The following SORCS2 variants were observed in gnomAD, a reference collection of about 807,000 sequenced individuals.
SORCS2 encodes the protein sortilin related VPS10 domain containing receptor 2, also known as VPS10 domain-containing receptor SorCS2.
SORCS2 carries 100 observed loss-of-function variants against 141.6 expected under a neutral mutation model. The observed-to-expected ratio is 0.71, with a 90% CI of 0.60 to 0.83. The LOEUF (loss-of-function observed/expected upper bound fraction) is 0.83, where lower values mean the gene tolerates loss of function less well. Ranked by LOEUF, SORCS2 falls within the 40% of genes least tolerant of loss-of-function variation. The pLI is 0.00. For synonymous variants in SORCS2, 789 were observed against 676.9 expected, an observed-to-expected ratio of 1.17 and a Z score of -2.57; for missense variants, 1,646 against 1,560.2, an observed-to-expected ratio of 1.05 and a Z score of -0.93.
intron 1 of SORCS2, among the ~76,000 whole-genome samples, chr4:7,246,845 C>T (rs553564102): frequency 1.5e-4 from 23 of 152,238 alleles, no homozygotes; most frequent in Admixed American, 4.6e-4. Flanking sequence ...CGCCGTGACT[C>T]GGCTGTGCCT....
intron 1 of SORCS2, among the ~76,000 whole-genome samples, chr4:7,377,075 G>C (rs922345473): frequency 6.6e-6 from 1 of 152,220 alleles, no homozygotes; most frequent in African/African-American, 2.4e-5. Flanking sequence ...TTCTGTATGC[G>C]TGTGGAAGTA....
intron 2 of SORCS2, among the ~76,000 whole-genome samples, chr4:7,511,437 G>A (rs200903910): frequency 0.35 from 36,985 of 106,874 alleles, 6,321 homozygotes; most frequent in East Asian, 0.79. Flanking sequence ...CGGGGTTGGG[G>A]AGACACACAC....
chr4:7,354,594 C>T (rs1721137849), intron 1 of SORCS2, among the ~76,000 whole-genome samples: 1 of 152,230 alleles, frequency 6.6e-6, no homozygotes, highest in South Asian at 2.1e-4. Flanking sequence ...CTCTTCATGT[C>T]ACCTCTGCAA....
At chr4:7,216,725 C>T (rs28584625) in intron 1 of SORCS2, among the ~76,000 whole-genome samples, 41,231 of 151,988 alleles carry the variant, frequency 0.27, 6,204 homozygotes, top group East Asian at 0.45. Flanking sequence ...CCAGACAATA[C>T]AGGCTCCTCT....
chr4:7,716,681 C>T (rs1430673084), intron 17 of SORCS2, among the ~76,000 whole-genome samples: 3 of 58,290 alleles, frequency 5.1e-5, no homozygotes, highest in Non-Finnish European at 1.0e-4. Flanking sequence ...TTCATTCATT[C>T]ACCGTCCATC....
chr4:7,339,478 A>T (rs10001538), intron 1 of SORCS2, among the ~76,000 whole-genome samples: 76,549 of 152,086 alleles, frequency 0.5, 19,519 homozygotes, highest in East Asian at 0.6. Context: ...GGTGGGGGCA[A>T]CTGTCCCAGG....
At chr4:7,592,930 A>T (rs1190057419) in intron 3 of SORCS2, among the ~76,000 whole-genome samples, 2 of 152,216 alleles carry the variant, frequency 1.3e-5, no homozygotes, top group Non-Finnish European at 2.9e-5. Flanking sequence ...GGTGCATGCT[A>T]TGGAGGTGCT....
chr4:7,572,366 T>A (rs1439982099), intron 3 of SORCS2, among the ~76,000 whole-genome samples: 3 of 152,352 alleles, frequency 2.0e-5, no homozygotes, highest in East Asian at 3.9e-4. Flanking sequence ...CACATTTTTT[T>A]AAATGAGCTC....
intron 3 of SORCS2, among the ~76,000 whole-genome samples, chr4:7,629,310 C>T (rs143530850): frequency 4.1e-4 from 63 of 152,162 alleles, no homozygotes; most frequent in South Asian, 8.3e-4. Context: ...ACACAGCCTC[C>T]GGGAAGGGGC....
At chr4:7,647,516 C>A (rs1249124506) in intron 4 of SORCS2, among the ~76,000 whole-genome samples, 1 of 152,188 alleles carries the variant, frequency 6.6e-6, no homozygotes, top group East Asian at 1.9e-4. Flanking sequence ...TTCCATGATG[C>A]AGGGCCCTGT....
intron 3 of SORCS2, among the ~76,000 whole-genome samples, chr4:7,615,679 A>T (rs1355274686): frequency 6.6e-6 from 1 of 152,138 alleles, no homozygotes; most frequent in African/African-American, 2.4e-5. Context: ...CCTTCCAGTG[A>T]TACTTCCAGG....
intron 2 of SORCS2, among the ~76,000 whole-genome samples, chr4:7,439,518 C>T (rs114892385): frequency 0.023 from 3,525 of 152,298 alleles, 39 homozygotes; most frequent in South Asian, 0.036. Context: ...ACCTGCAGAA[C>T]GCACACCCTA....
At chr4:7,704,867 C>A (rs1160142615) in intron 14 of SORCS2, among the ~76,000 whole-genome samples, 1 of 152,304 alleles carries the variant, frequency 6.6e-6, no homozygotes, top group East Asian at 1.9e-4. Context: ...TGCCCTCGAA[C>A]ATGGGCCCCT....
intron 3 of SORCS2, among the ~76,000 whole-genome samples, chr4:7,564,987 G>A (rs115915039): frequency 0.026 from 3,997 of 152,160 alleles, 159 homozygotes; most frequent in African/African-American, 0.09. Context: ...GCGGTGCACC[G>A]GCAGGCTTTG....
At chr4:7,314,800 GTTTTTTTTTTTT>G (rs397880294) in intron 1 of SORCS2, among the ~76,000 whole-genome samples, 9 of 109,840 alleles carry the variant, frequency 8.2e-5, no homozygotes, top group South Asian at 2.9e-4. Context: ...CCACTGTTCT[GTTTTTTTTTTTT>G]TTTTTTTTTT....
intron 9 of SORCS2, among the ~76,000 whole-genome samples, chr4:7,679,749 C>CT (rs55936772): frequency 0.27 from 37,390 of 140,890 alleles, 5,924 homozygotes; most frequent in South Asian, 0.41. Flanking sequence ...ACTTGTGGGA[C>CT]TTTTTTTTTT....
intron 2 of SORCS2, among the ~76,000 whole-genome samples, chr4:7,495,989 C>G (rs900053090): frequency 6.6e-6 from 1 of 152,128 alleles, no homozygotes; most frequent in African/African-American, 2.4e-5. Flanking sequence ...GAATGTGGGC[C>G]GAGGGTGGAA....
At position 7,201,756 on chromosome 4, in the gene SORCS2, C is replaced by T. The variant is rs1282148589; in HGVS notation, c.480+8630C>T. On this transcript the variant is annotated intron_variant, in intron 1 of 26. Transcript: ENST00000507866. The surrounding 1 kb of genome is among the most constrained non-coding windows in gnomAD (Gnocchi z 4.4). The stretch of plus-strand genomic sequence containing the variant: ...TACGAATGGCCCACTTTGTCCTCGC[C>T]CCTCCTTAGTCGCTAGTTTGGGTGG... 6.6e-6 allele frequency among the ~76,000 whole-genome samples: 1 copy of T among 152,120 alleles called. No individual in the cohort carries two copies. Among genetic ancestry groups the T allele is most frequent in the Non-Finnish European group, 1.5e-5 (1 of 68,024 alleles).
At chr4:7,653,757 A>G (rs1222305190) in intron 4 of SORCS2, among the ~76,000 whole-genome samples, 1 of 152,116 alleles carries the variant, frequency 6.6e-6, no homozygotes, top group African/African-American at 2.4e-5. Flanking sequence ...CTGCTCTGCC[A>G]TCCGTTCACT....
Sources: allele counts gnomAD v4.1 joint callset (sites outside exome capture counted in the v4.1 genomes callset), GRCh38; gene constraint gnomAD v4.1.1; non-coding constraint Gnocchi (gnomAD v3.1); transcripts MANE v1.5; gene names NCBI Gene and HGNC (gene_info 2026-07-23, HGNC 2026-07-21).